Variants in KIAA1549 observed in about 807,000 individuals in gnomAD.
KIAA1549 encodes the protein KIAA1549, also known as UPF0606 protein KIAA1549.
Under a neutral mutation model 156.4 loss-of-function variants are expected in KIAA1549, and 70 were observed. The observed-to-expected ratio is 0.45, with a 90% CI of 0.37 to 0.55. The LOEUF (loss-of-function observed/expected upper bound fraction) is 0.55. Among genes scored for constraint, KIAA1549 ranks in the 20% least tolerant of loss-of-function variants. The pLI is 0.00. For synonymous variants in KIAA1549, 1,103 were observed against 1,066.4 expected, an observed-to-expected ratio of 1.03 and a Z score of -0.67; for missense variants, 2,428 against 2,540.9, an observed-to-expected ratio of 0.96 and a Z score of 0.96.
chr7:138,953,281 G>A (rs548154319), intron 1 of KIAA1549, among the ~76,000 whole-genome samples: 6 of 152,266 alleles, frequency 3.9e-5, no homozygotes, highest in Admixed American at 6.5e-5. Flanking sequence ...ACTTAAACCC[G>A]GGAGGTGGAG....
At chr7:138,964,350 G>A (rs1444224344) in intron 1 of KIAA1549, among the ~76,000 whole-genome samples, 1 of 152,194 alleles carries the variant, frequency 6.6e-6, no homozygotes, top group East Asian at 1.9e-4. Context: ...GGGTGCACAT[G>A]CCCACCCCCA....
chr7:138,868,856 AGT>A (rs1331566245), intron 14 of KIAA1549, among the ~76,000 whole-genome samples: 7 of 152,132 alleles, frequency 4.6e-5, no homozygotes, highest in Non-Finnish European at 7.4e-5. Context: ...CCTGGGTGGC[AGT>A]TCTGTCCGTG....
At position 138,837,808 on chromosome 7, in the gene KIAA1549, G is replaced by C. The variant is rs1809770059; in HGVS notation, c.*98C>G. 7.1e-7 allele frequency: 1 copy of C among 1,418,134 alleles called. No individual in the cohort carries two copies. Among genetic ancestry groups the C allele is most frequent in the South Asian group, 1.4e-5 (1 of 70,962 alleles). 87.8% of individuals were successfully genotyped at this position (1,418,134 alleles called of 1,614,324 possible). On this transcript the variant is annotated 3_prime_UTR_variant, in exon 20 of 20. Coordinates refer to ENST00000422774, the MANE Select transcript of KIAA1549 (RefSeq NM_001164665.2). Reference sequence around the variant, plus strand: ...CCTCCCTTGGGCAGGCTGCCCGAGAGTTGCTCCTTCCTCTTCCAAACACCC... The same window carrying C: ...CCTCCCTTGGGCAGGCTGCCCGAGACTTGCTCCTTCCTCTTCCAAACACCC...
At chr7:138,843,460 A>G (rs1809980704) in intron 18 of KIAA1549, among the ~76,000 whole-genome samples, 1 of 152,158 alleles carries the variant, frequency 6.6e-6, no homozygotes, top group Non-Finnish European at 1.5e-5. Context: ...TTTTTTGAAA[A>G]TAACTGGCAA....
intron 1 of KIAA1549, among the ~76,000 whole-genome samples, chr7:138,967,099 T>A (rs1306297951): frequency 6.6e-6 from 1 of 152,190 alleles, no homozygotes; most frequent in Non-Finnish European, 1.5e-5. Context: ...ATCATTAACT[T>A]TGTCCACTGA....
rs143240428 is a variant in KIAA1549, at chr7:138,870,521, C to T, written c.4551+636G>A. 1.6e-4 allele frequency among the ~76,000 whole-genome samples: 24 copies of T among 152,248 alleles called. No homozygotes were observed. The East Asian group carries it at 3.3e-3, about 21-fold the overall frequency. On this transcript the variant is annotated intron_variant, in intron 13 of 19. Transcript: ENST00000422774. ...AAAACAAGTTACCTGACATGAGACCCCCTGCCCCCAGAGTGGTATCCCCAA... is the reference window on the plus strand; with the variant it reads ...AAAACAAGTTACCTGACATGAGACCTCCTGCCCCCAGAGTGGTATCCCCAA...
intron 1 of KIAA1549, among the ~76,000 whole-genome samples, chr7:138,969,583 TTTG>T (rs1814154074): frequency 6.6e-6 from 1 of 151,686 alleles, no homozygotes; most frequent in African/African-American, 2.4e-5. Flanking sequence ...TTATATGAGT[TTTG>T]TTTTTTGTTT....
At chr7:138,849,388 A>G (rs906440308) in intron 17 of KIAA1549, among the ~76,000 whole-genome samples, 1 of 152,066 alleles carries the variant, frequency 6.6e-6, no homozygotes, top group African/African-American at 2.4e-5. Flanking sequence ...ATTTAAGGCA[A>G]AACTTCCCCC....
chr7:138,903,873 A>C (rs921187108), intron 7 of KIAA1549, 137 bp from the exon 8 acceptor site: 1 of 726,554 alleles, frequency 1.4e-6, no homozygotes, highest in South Asian at 2.0e-5. Context: ...GCGCGCGCAC[A>C]TATGTATTTG....
chr7:138,919,323 G>A lies in KIAA1549; in HGVS notation c.303C>T (p.Ser101=), dbSNP rs926013337. 2.5e-6 allele frequency: 4 copies of A among 1,613,998 alleles called. No individual in the cohort carries two copies. The highest frequency in any genetic ancestry group is 3.4e-6 in the Non-Finnish European group (4 of 1,179,894). The change falls in exon 2 of 20, where the codon TCC becomes TCT. Residue 101 remains serine (S), a synonymous_variant. Transcript: ENST00000422774. The part of the protein sequence containing the change: ...QVALTETAPG[S]QHSSPLHVTA... ...TGACATGGAGAGGACTGCTGTGCTG[G>A]GAGCCGGGAGCAGTTTCTGTTAAGG...
chr7:138,975,963 G>C (rs895929776), intron 1 of KIAA1549, among the ~76,000 whole-genome samples: 1 of 152,150 alleles, frequency 6.6e-6, no homozygotes, highest in Admixed American at 6.5e-5. Flanking sequence ...GTTCCCAAAC[G>C]GGCAGGAGTG....
rs960511572 is a variant in KIAA1549 at position 138,894,255 on chromosome 7, T to C, written c.4032+87A>G. On this transcript the variant is annotated intron_variant, in intron 10 of 19. Coordinates refer to ENST00000422774, the MANE Select transcript of KIAA1549 (RefSeq NM_001164665.2). ...CCATAATAGCCCTCCCTCTTCCTCATCTTTCAGTATCAAGAGCCCAAACTC... is the reference window on the plus strand; with the variant it reads ...CCATAATAGCCCTCCCTCTTCCTCACCTTTCAGTATCAAGAGCCCAAACTC... 10 of 1,275,762 alleles carry C rather than the reference T, an allele frequency of 7.8e-6. No individual in the cohort carries two copies. In the Admixed American group the frequency reaches 1.5e-4, roughly 19 times the overall value. 79.0% of individuals were successfully genotyped at this position (1,275,762 alleles called of 1,614,324 possible).
Position 138,919,243 on chromosome 7 carries a change from T to G in KIAA1549, c.383A>C (p.Gln128Pro). Residue 128 changes from glutamine to proline, a missense_variant, in exon 2 of 20, where the codon CAG (glutamine) becomes CCG (proline). Physicochemically the swap from Gln to Pro is moderately conservative, Grantham distance 76. Transcript: ENST00000422774. ...GCTGGGATCTGCTGTACTTTTGGTC[T>G]GTTTTCCTTGGTTAAAAAAGGCTGT... ...FDTAFFNQGK[Q>P]TKSTADPSIF... 4 of 1,614,026 alleles carry G rather than the reference T, an allele frequency of 2.5e-6. No individual in the cohort carries two copies. The highest frequency in any genetic ancestry group is 3.4e-6 in the Non-Finnish European group (4 of 1,179,896).
intron 8 of KIAA1549, among the ~76,000 whole-genome samples, chr7:138,901,941 T>C (rs980520491): frequency 4.2e-5 from 6 of 141,484 alleles, no homozygotes; most frequent in East Asian, 2.2e-4. Flanking sequence ...CTAAGAGAGC[T>C]TGCATGTCAA....
intron 17 of KIAA1549, among the ~76,000 whole-genome samples, chr7:138,851,587 G>C (rs1052508933): frequency 2.6e-5 from 4 of 151,650 alleles, no homozygotes; most frequent in African/African-American, 7.3e-5. Flanking sequence ...TGTGTGGAAG[G>C]GGGGCTACTG....
intron 17 of KIAA1549, among the ~76,000 whole-genome samples, chr7:138,849,276 T>C (rs1810168360): frequency 6.6e-6 from 1 of 152,056 alleles, no homozygotes. Context: ...AATATTTCCT[T>C]CCATCTACTT....
intron 17 of KIAA1549, among the ~76,000 whole-genome samples, chr7:138,847,657 G>A (rs996097624): frequency 7.9e-5 from 12 of 152,168 alleles, no homozygotes; most frequent in African/African-American, 2.9e-4. Flanking sequence ...TGACAGTAAT[G>A]CACAATATTT....
Position 138,918,164 on chromosome 7 carries a change from T to C in KIAA1549, c.1462A>G (p.Arg488Gly), listed in dbSNP as rs374298927. ...CTAGAAGAAAGTGGGACGATAGGTCTGGAGGGGAAAAGCGTATTAAATACT... is the reference window on the plus strand; with the variant it reads ...CTAGAAGAAAGTGGGACGATAGGTCCGGAGGGGAAAAGCGTATTAAATACT... The part of the protein sequence containing the change: ...PQVFNTLFPS[R>G]PIVPLSSRSM... Residue 488 changes from arginine (R) to glycine (G), a missense_variant, in exon 2 of 20, where the codon AGA (arginine) becomes GGA (glycine). Arg to Gly is a moderately radical substitution (Grantham distance 125). Transcript: ENST00000422774. The surrounding 1 kb of genome is among the most constrained non-coding windows in gnomAD (Gnocchi z 4.2). The C allele has an allele frequency of 1.1e-5, 18 of 1,613,854 alleles. No individual in the cohort carries two copies. The highest frequency in any genetic ancestry group is 3.4e-6 in the Non-Finnish European group (4 of 1,179,852).
chr7:138,873,621 C>T (rs1057502133), intron 12 of KIAA1549, among the ~76,000 whole-genome samples: 3 of 143,496 alleles, frequency 2.1e-5, no homozygotes, highest in Non-Finnish European at 4.4e-5. Context: ...AAAAAAAAGG[C>T]CCCTCCCTAC....
Sources: gnomAD v4.1 joint callset for allele counts (sites outside exome capture counted in the v4.1 genomes callset) on GRCh38, gnomAD v4.1.1 for gene constraint, Gnocchi (gnomAD v3.1) non-coding constraint, MANE v1.5 for transcripts, NCBI Gene and HGNC (gene_info 2026-07-23, HGNC 2026-07-21) for gene names.